Variants in FGF6 observed in about 807,000 individuals in gnomAD.
FGF6 encodes the protein fibroblast growth factor 6.
A neutral mutation model predicts 18.4 loss-of-function variants in FGF6; 14 were observed. The observed-to-expected ratio is 0.76, with a 90% CI of 0.50 to 1.19. FGF6 has a LOEUF of 1.19. Ranked by LOEUF, FGF6 falls within the 50% of genes most tolerant of loss-of-function variation. The pLI is 0.00. For missense variants in FGF6, 266 were observed against 271.6 expected (o/e 0.98, Z 0.15); for synonymous variants, 125 against 116.7 (o/e 1.07, Z -0.46).
intron 2 of FGF6, among the ~76,000 whole-genome samples, chr12:4,441,239 A>G (rs1865686288): frequency 6.6e-6 from 1 of 152,222 alleles, no homozygotes; most frequent in Non-Finnish European, 1.5e-5. Context: ...CAGAGAGCAG[A>G]GATCCAGGCC....
rs1194520233 is a variant in FGF6, at chr12:4,445,521, C to T, written c.50G>A (p.Arg17His). Residue 17 changes from arginine (R) to histidine (H), a missense_variant, in exon 1 of 3, where the codon CGT (arginine) becomes CAT (histidine). By Grantham distance (29) the Arg-to-His change is conservative (BLOSUM62 0). Coordinates refer to ENST00000228837, the MANE Select transcript of FGF6 (RefSeq NM_020996.3). This position sits in a 1 kb window ranked among gnomAD's most constrained non-coding sequence, Gnocchi z 5.5. ...GAGAGCCCACAGCGTGCCCTGCAGA[C>T]GTCCTGCTCCCCGGGACATAGTGAT... ...LFITMSRGAGRLQGTLWALVF... is the reference protein window; with the variant it reads ...LFITMSRGAGHLQGTLWALVF... The T allele has an allele frequency of 5.6e-6, 9 of 1,611,492 alleles. No homozygotes were observed. Among genetic ancestry groups the T allele is most frequent in the East Asian group, 2.2e-5 (1 of 44,872 alleles).
Position 4,445,659 on chromosome 12 carries a change from G to T in FGF6, c.-89C>A, listed in dbSNP as rs1591694449. ...TTCTCCCTCCGGCATGGCGGCAGGG[G>T]CTTATTTTTGGAAGGCAGATGAAGG... On this transcript the variant is annotated 5_prime_UTR_variant, in exon 1 of 3. Coordinates refer to ENST00000228837, the MANE Select transcript of FGF6 (RefSeq NM_020996.3). This position sits in a 1 kb window ranked among gnomAD's most constrained non-coding sequence, Gnocchi z 5.5. 2.7e-6 allele frequency: 3 copies of T among 1,098,022 alleles called. No homozygotes were observed. Among genetic ancestry groups the T allele is most frequent in the East Asian group, 5.2e-5 (2 of 38,460 alleles). The allele number at this position is 1,098,022 out of a possible 1,614,324, so 68.0% of individuals were successfully genotyped here. A position where few individuals can be genotyped will look rare whatever the true frequency, so the allele number is the denominator to read the frequency against.
intron 2 of FGF6, among the ~76,000 whole-genome samples, chr12:4,437,279 C>T (rs949281911): frequency 2.0e-5 from 3 of 152,300 alleles, no homozygotes; most frequent in Non-Finnish European, 4.4e-5. Flanking sequence ...TTAAAAGCCT[C>T]GAAAGACTGC....
intron 2 of FGF6, among the ~76,000 whole-genome samples, chr12:4,441,022 GA>G (rs1865683859): frequency 6.6e-6 from 1 of 152,222 alleles, no homozygotes; most frequent in Admixed American, 6.5e-5. Context: ...TACTGTTGAC[GA>G]AAAGCATGTA....
chr12:4,438,751 CAAAAAAAAAA>C (rs386375443), intron 2 of FGF6, among the ~76,000 whole-genome samples: 1,096 of 39,722 alleles, frequency 0.028, 22 homozygotes, highest in African/African-American at 0.11. Context: ...GACTCTATCT[CAAAAAAAAAA>C]AAAAAAAAAA....
chr12:4,441,058 G>C (rs1322961747), intron 2 of FGF6, among the ~76,000 whole-genome samples: 1 of 152,254 alleles, frequency 6.6e-6, no homozygotes, highest in African/African-American at 2.4e-5. Context: ...TAGTAAAACT[G>C]AAATCACTTG....
At chr12:4,437,186 A>G (rs1865637818) in intron 2 of FGF6, among the ~76,000 whole-genome samples, 2 of 151,818 alleles carry the variant, frequency 1.3e-5, no homozygotes, top group East Asian at 1.9e-4. Context: ...AAGTCCTGGG[A>G]ACAATGCTTG....
chr12:4,445,217 G>T lies in FGF6; in HGVS notation c.346+8C>A. The stretch of plus-strand genomic sequence containing the variant: ...CAAGCGTCCCGACTGGCTGCAGCTG[G>T]CACTCACTGTAGGGGTTCTCCTCGT... On this transcript the variant is annotated splice_region_variant and intron_variant, in intron 1 of 2. Coordinates refer to ENST00000228837, the MANE Select transcript of FGF6 (RefSeq NM_020996.3). This position sits in a 1 kb window ranked among gnomAD's most constrained non-coding sequence, Gnocchi z 5.5. The T allele has an allele frequency of 1.9e-6, 3 of 1,599,958 alleles. No individual in the cohort carries two copies. The highest frequency in any genetic ancestry group is 2.6e-6 in the Non-Finnish European group (3 of 1,173,488).
At chr12:4,437,720 G>C (rs1385942494) in intron 2 of FGF6, among the ~76,000 whole-genome samples, 3 of 152,250 alleles carry the variant, frequency 2.0e-5, no homozygotes, top group Admixed American at 2.0e-4. Flanking sequence ...TAAATCACTA[G>C]AGAAAACATG....
At chr12:4,440,244 T>G (rs1865675450) in intron 2 of FGF6, among the ~76,000 whole-genome samples, 1 of 152,234 alleles carries the variant, frequency 6.6e-6, no homozygotes, top group South Asian at 2.1e-4. Flanking sequence ...CATTTGGCAC[T>G]CACTATGGAG....
intron 2 of FGF6, among the ~76,000 whole-genome samples, chr12:4,440,175 G>T (rs1263664788): frequency 6.6e-6 from 1 of 152,202 alleles, no homozygotes; most frequent in Non-Finnish European, 1.5e-5. Flanking sequence ...GGCCTGCCAG[G>T]CTCAAGCCCC....
Position 4,440,213 on chromosome 12 carries a change from A to G in FGF6, c.450+3920T>C, listed in dbSNP as rs561496609. ...CATGAAAATATCTTCAATTTGATGT[A>G]GGTCTATTCAGACTTATGTGCATTT... On this transcript the variant is annotated intron_variant, in intron 2 of 2. Coordinates refer to ENST00000228837, the MANE Select transcript of FGF6 (RefSeq NM_020996.3). 6.6e-5 allele frequency among the ~76,000 whole-genome samples: 10 copies of G among 152,350 alleles called. No individual in the cohort carries two copies. In the East Asian group the frequency reaches 1.2e-3, roughly 18 times the overall value.
rs1286793421 is a variant in FGF6, at chr12:4,434,957, G to C, written c.451-566C>G. ...GGGGGAAGAAGGAGAGAGGCGGTTG[G>C]TGGAGGGGGAGGAGACACAAGTGAT... is the stretch of plus-strand genomic sequence containing the variant. On this transcript the variant is annotated intron_variant, in intron 2 of 2. Transcript: ENST00000228837. Among the ~76,000 whole-genome samples the C allele has an allele frequency of 3.9e-5, 6 of 152,156 alleles. No homozygotes were observed. In the South Asian group the frequency reaches 1.2e-3, roughly 32 times the overall value.
intron 2 of FGF6, among the ~76,000 whole-genome samples, chr12:4,435,537 A>G (rs761669450): frequency 6.6e-6 from 1 of 152,192 alleles, no homozygotes; most frequent in Non-Finnish European, 1.5e-5. Context: ...CTGCTGTCCA[A>G]GACAATCATA....
At chr12:4,444,990 ATAGT>A (rs1156437719) in intron 1 of FGF6, among the ~76,000 whole-genome samples, 16 of 152,342 alleles carry the variant, frequency 1.1e-4, no homozygotes, top group African/African-American at 3.4e-4. Flanking sequence ...TAATGCTGAA[ATAGT>A]TAGTGCCACT....
chr12:4,444,169 G>A lies in FGF6; in HGVS notation c.414C>T (p.Phe138=), dbSNP rs767833262. Reference sequence around the variant, plus strand: ...ATCTTCCTTTACTGTTCATGGCAACGAAGAGGGCACTTCTCACTCCAAAGA... The same window carrying A: ...ATCTTCCTTTACTGTTCATGGCAACAAAGAGGGCACTTCTCACTCCAAAGA... ...VSLFGVRSAL[F]VAMNSKGRLY... The change falls in exon 2 of 3, where the codon TTC becomes TTT. Residue 138 remains phenylalanine, a synonymous_variant. Coordinates refer to ENST00000228837, the MANE Select transcript of FGF6 (RefSeq NM_020996.3). 14 of 1,613,668 alleles carry A rather than the reference G, an allele frequency of 8.7e-6. No homozygotes were observed. Among genetic ancestry groups the A allele is most frequent in the Admixed American group, 6.7e-5 (4 of 59,978 alleles).
intron 1 of FGF6, among the ~76,000 whole-genome samples, chr12:4,444,491 A>G (rs987750477): frequency 3.3e-5 from 5 of 152,206 alleles, no homozygotes; most frequent in Admixed American, 2.0e-4. Flanking sequence ...CCACTTAGCT[A>G]TCTGTTTAAG....
At chr12:4,444,087 C>T (rs766453790) in intron 2 of FGF6, 46 bp downstream of exon 2, 8 of 1,204,674 alleles carry the variant, frequency 6.6e-6, no homozygotes, top group Admixed American at 1.7e-5. Flanking sequence ...ACTGTGTAAG[C>T]ATCAAGCCTT....
chr12:4,441,421 A>G (rs1379838797), intron 2 of FGF6, among the ~76,000 whole-genome samples: 1 of 152,120 alleles, frequency 6.6e-6, no homozygotes, highest in East Asian at 1.9e-4. Flanking sequence ...TGAAGATCAA[A>G]TGCACCTCCT....
Sources: gnomAD v4.1 joint callset for allele counts (sites outside exome capture counted in the v4.1 genomes callset) on GRCh38, gnomAD v4.1.1 for gene constraint, Gnocchi (gnomAD v3.1) non-coding constraint, MANE v1.5 for transcripts, NCBI Gene and HGNC (gene_info 2026-07-23, HGNC 2026-07-21) for gene names.